Variants in DGLUCY observed in about 807,000 individuals in gnomAD.
DGLUCY encodes the protein D-glutamate cyclase, mitochondrial.
DGLUCY carries 58 observed loss-of-function variants against 58.5 expected under a neutral mutation model. The ratio of observed to expected loss-of-function variants is 0.99; its 90% CI spans 0.80 to 1.23. The LOEUF is 1.23. DGLUCY is among the 50% of genes most tolerant of loss of function. DGLUCY has a pLI of 0.00. For missense variants in DGLUCY, 779 were observed against 784.7 expected, an observed-to-expected ratio of 0.99 and a Z score of 0.09; for synonymous variants, 325 against 314.1, an observed-to-expected ratio of 1.03 and a Z score of -0.37.
intron 1 of DGLUCY, among the ~76,000 whole-genome samples, chr14:91,080,033 A>G (rs1595617489): frequency 6.6e-6 from 1 of 152,292 alleles, no homozygotes; most frequent in Non-Finnish European, 1.5e-5. Flanking sequence ...TAGGGACTTC[A>G]TAGAAGTGGA....
intron 1 of DGLUCY, among the ~76,000 whole-genome samples, chr14:91,131,545 C>T (rs2046024186): frequency 6.6e-6 from 1 of 151,866 alleles, no homozygotes; most frequent in Non-Finnish European, 1.5e-5. Context: ...TATACATGTG[C>T]CATGTTGGTG....
At chr14:91,195,551 G>A (rs896059595) in intron 9 of DGLUCY, among the ~76,000 whole-genome samples, 22 of 152,080 alleles carry the variant, frequency 1.4e-4, no homozygotes, top group Non-Finnish European at 2.6e-4. Flanking sequence ...AGAATTTGGG[G>A]TGAGAATTGG....
At chr14:91,084,675 A>G (rs2044182552) in intron 1 of DGLUCY, among the ~76,000 whole-genome samples, 1 of 151,972 alleles carries the variant, frequency 6.6e-6, no homozygotes, top group African/African-American at 2.4e-5. Context: ...CCTCTCTATA[A>G]TCCTTAGCTT....
At chr14:91,100,142 A>T (rs895815328) in intron 1 of DGLUCY, among the ~76,000 whole-genome samples, 5 of 152,084 alleles carry the variant, frequency 3.3e-5, no homozygotes, top group Admixed American at 2.6e-4. Flanking sequence ...ACATTTGATG[A>T]GCCCAAGTTC....
chr14:91,159,926 A>G (rs558057851), intron 2 of DGLUCY, among the ~76,000 whole-genome samples: 12 of 152,174 alleles, frequency 7.9e-5, no homozygotes, highest in Non-Finnish European at 1.3e-4. Context: ...AGAGTCAAGT[A>G]GAATAATAGG....
At chr14:91,169,472 C>T (rs113237119) in intron 4 of DGLUCY, among the ~76,000 whole-genome samples, 6 of 151,776 alleles carry the variant, frequency 4.0e-5, no homozygotes, top group Non-Finnish European at 5.9e-5. Context: ...TGCAGTGGCA[C>T]GATCTCGGCT....
At chr14:91,189,903 T>C (rs2049764231) in intron 9 of DGLUCY, 1 of 152,240 alleles carries the variant, frequency 6.6e-6, no homozygotes. Flanking sequence ...AAAGCCTGTG[T>C]CTGTACGTGT....
intron 7 of DGLUCY, among the ~76,000 whole-genome samples, chr14:91,179,670 G>A (rs911680387): frequency 4.0e-5 from 6 of 149,618 alleles, no homozygotes; most frequent in African/African-American, 1.5e-4. Context: ...AGAATTTCTT[G>A]AACCCGGGAG....
intron 1 of DGLUCY, among the ~76,000 whole-genome samples, chr14:91,120,474 A>G (rs2045281938): frequency 6.6e-6 from 1 of 152,114 alleles, no homozygotes; most frequent in Non-Finnish European, 1.5e-5. Flanking sequence ...ACGCTATCTC[A>G]GCTCACTGCA....
intron 1 of DGLUCY, among the ~76,000 whole-genome samples, chr14:91,081,017 C>T (rs545998237): frequency 4.6e-5 from 7 of 152,228 alleles, no homozygotes; most frequent in Non-Finnish European, 1.0e-4. Context: ...ACCTGGCCAA[C>T]GTGACGAAAC....
intron 11 of DGLUCY, among the ~76,000 whole-genome samples, chr14:91,202,843 C>G (rs372125121): frequency 1.3e-5 from 2 of 152,258 alleles, no homozygotes; most frequent in African/African-American, 4.8e-5. Flanking sequence ...GACCCTTGGG[C>G]CCTTCTCACG....
At chr14:91,093,354 T>A (rs996066391) in intron 1 of DGLUCY, among the ~76,000 whole-genome samples, 50 of 152,246 alleles carry the variant, frequency 3.3e-4, no homozygotes, top group African/African-American at 1.2e-3. Flanking sequence ...AAATGCAAGT[T>A]TTGTATTTGG....
chr14:91,077,932 C>T (rs997794873), intron 1 of DGLUCY, among the ~76,000 whole-genome samples: 1 of 141,626 alleles, frequency 7.1e-6, no homozygotes, highest in Non-Finnish European at 1.6e-5. Flanking sequence ...AAATAATTTT[C>T]TTTTCATAGC....
chr14:91,193,260 C>G (rs2050011585), intron 9 of DGLUCY, among the ~76,000 whole-genome samples: 1 of 152,148 alleles, frequency 6.6e-6, no homozygotes, highest in African/African-American at 2.4e-5. Flanking sequence ...CATTCACAGG[C>G]CAACCTCATT....
At chr14:91,214,765 A>C (rs1257211707) in intron 12 of DGLUCY, among the ~76,000 whole-genome samples, 1 of 152,124 alleles carries the variant, frequency 6.6e-6, no homozygotes, top group African/African-American at 2.4e-5. Flanking sequence ...CAGGGGGATC[A>C]CTTGAGCCCA....
At chr14:91,111,244 G>A (rs1207782413), upstream of DGLUCY, among the ~76,000 whole-genome samples, 1,263 of 100,700 alleles carry the variant, frequency 0.013, 30 homozygotes, top group African/African-American at 0.047. Context: ...GTGTGTGTGT[G>A]TGTGTATATA....
At chr14:91,176,747 G>C (rs1231175488) in intron 7 of DGLUCY, among the ~76,000 whole-genome samples, 1 of 152,144 alleles carries the variant, frequency 6.6e-6, no homozygotes, top group Non-Finnish European at 1.5e-5. Flanking sequence ...AATTACAGGT[G>C]CATGCCACCA....
chr14:91,204,091 GTATT>G (rs1268937289), intron 11 of DGLUCY, among the ~76,000 whole-genome samples: 2 of 152,202 alleles, frequency 1.3e-5, no homozygotes, highest in African/African-American at 2.4e-5. Flanking sequence ...TTTTTAATAT[GTATT>G]TATTCTAGCA....
intron 1 of DGLUCY, among the ~76,000 whole-genome samples, chr14:91,157,158 A>ATGGATGGATGG (rs2047685391): frequency 1.3e-4 from 6 of 47,552 alleles, no homozygotes; most frequent in South Asian, 8.2e-4. Flanking sequence ...TGGATGGATG[A>ATGGATGGATGG]ATGGGTGGAT....
Sources: allele counts gnomAD v4.1 joint callset (sites outside exome capture counted in the v4.1 genomes callset), GRCh38; gene constraint gnomAD v4.1.1; transcripts MANE v1.5; gene names NCBI Gene and HGNC (gene_info 2026-07-23, HGNC 2026-07-21).